The following RSPO4 variants were observed in gnomAD, a reference collection of about 807,000 sequenced individuals.
RSPO4 encodes R-spondin-4.
In RSPO4, 23 loss-of-function variants were observed where a neutral mutation model predicts 24.8. The ratio of observed to expected loss-of-function variants is 0.93; its 90% confidence interval spans 0.67 to 1.31. The LOEUF (loss-of-function observed/expected upper bound fraction) is 1.31, where lower values mean the gene tolerates loss of function less well. Ranked by LOEUF, RSPO4 falls within the 40% of genes most tolerant of loss-of-function variation. RSPO4 has a pLI of 0.00. For missense variants in RSPO4, 333 were observed against 316.5 expected, an observed-to-expected ratio of 1.05 and a Z score of -0.39; for synonymous variants, 141 against 127.4, an observed-to-expected ratio of 1.11 and a Z score of -0.72.
Position 964,015 on chromosome 20 carries a change from C to G in RSPO4, c.515G>C (p.Arg172Pro), listed in dbSNP as rs561493674. 16 of 1,613,706 alleles carry G rather than the reference C, an allele frequency of 9.9e-6. No homozygotes were observed. The highest frequency in any genetic ancestry group is 1.4e-5 in the Non-Finnish European group (16 of 1,180,040). ...GLESRVREAG[R>P]AGHEEAATCQ... ...GGTGGCTGCCTCCTCATGCCCAGCC[C>G]GGCCAGCCTCTCGTACCCGGCTCTC... Residue 172 changes from arginine to proline, a missense_variant, in exon 4 of 5, where the codon CGG becomes CCG. Transcript: ENST00000217260.
chr20:995,222 T>C (rs1985236945), intron 1 of RSPO4, among the ~76,000 whole-genome samples: 1 of 152,210 alleles, frequency 6.6e-6, no homozygotes, highest in African/African-American at 2.4e-5. Flanking sequence ...CTGCAAACTA[T>C]AAAGTGCTAC....
chr20:1,000,149 G>A (rs1568936881), intron 1 of RSPO4, among the ~76,000 whole-genome samples: 1 of 152,096 alleles, frequency 6.6e-6, no homozygotes, highest in Non-Finnish European at 1.5e-5. Context: ...TATTACAGGC[G>A]TGAGCCACCA....
At chr20:965,657 C>T (rs115039669) in intron 3 of RSPO4, among the ~76,000 whole-genome samples, 1,659 of 152,262 alleles carry the variant, frequency 0.011, 29 homozygotes, top group African/African-American at 0.037. Flanking sequence ...AAGAGGGCGG[C>T]ACAGAGGACA....
intron 1 of RSPO4, among the ~76,000 whole-genome samples, chr20:974,811 A>G (rs752776488): frequency 6.6e-6 from 1 of 152,212 alleles, no homozygotes; most frequent in Non-Finnish European, 1.5e-5. Context: ...AAGACCAAAA[A>G]GAGTCATCTG....
Position 958,635 on chromosome 20 carries a change from T to A in RSPO4, c.*1722A>T, listed in dbSNP as rs1600084763. The A allele has an allele frequency of 1.2e-5, 1 of 86,026 alleles. No individual in the cohort carries two copies. Among genetic ancestry groups the A allele is most frequent in the African/African-American group, 5.2e-5 (1 of 19,196 alleles). 5.3% of individuals were successfully genotyped at this position (86,026 alleles called of 1,614,324 possible). On this transcript the variant is annotated 3_prime_UTR_variant, in exon 5 of 5. Transcript: ENST00000217260. Reference sequence around the variant, plus strand: ...GAGAGCAGGGAAGTCAGAGAGAGGGTGGGCCTGCTGGGAGGGGGGGGTTCA... The same window carrying A: ...GAGAGCAGGGAAGTCAGAGAGAGGGAGGGCCTGCTGGGAGGGGGGGGTTCA...
chr20:963,128 C>A (rs1984059111), intron 4 of RSPO4, among the ~76,000 whole-genome samples: 1 of 152,192 alleles, frequency 6.6e-6, no homozygotes, highest in Non-Finnish European at 1.5e-5. Flanking sequence ...TCTTGAATGG[C>A]ACAGTGAAGG....
At position 970,305 on chromosome 20, in the gene RSPO4, C is replaced by T. The variant is rs146209340; in HGVS notation, c.80-2167G>A. ...GTTCCTTCCTCCCTGCTCCAGCTCT[C>T]GGATGAGTACTGCTACTTCCCCAGT... On this transcript the variant is annotated intron_variant, in intron 1 of 4. Transcript: ENST00000217260. This position sits in a 1 kb window ranked among gnomAD's most constrained non-coding sequence, Gnocchi z 4.1. Among the ~76,000 whole-genome samples, 17 of 152,210 alleles carry T rather than the reference C, an allele frequency of 1.1e-4. No individual in the cohort carries two copies. In the East Asian group the frequency reaches 1.5e-3, roughly 14 times the overall value.
intron 3 of RSPO4, 41 bp from the exon 4 acceptor site, chr20:964,161 G>A (rs1216104817): frequency 3.2e-6 from 5 of 1,538,500 alleles, no homozygotes; most frequent in African/African-American, 1.4e-5. Context: ...GACAGACAGG[G>A]TCAGCCGGCA....
In RSPO4 at chr20:967,942, C is replaced by G. The variant is rs774766042; in HGVS notation, c.268+8G>C. 5.0e-6 allele frequency: 8 copies of G among 1,613,850 alleles called. No homozygotes were observed. The highest frequency in any genetic ancestry group is 1.6e-4 in the Middle Eastern group (1 of 6,084). On this transcript the variant is annotated splice_region_variant and intron_variant, in intron 2 of 4. Coordinates refer to ENST00000217260, the MANE Select transcript of RSPO4 (RefSeq NM_001029871.4). Reference sequence around the variant, plus strand: ...GCACTAGCATAGAACAAGGGAGAAGCCACGTACTTTTGCACCTGTTGACCT... The same window carrying G: ...GCACTAGCATAGAACAAGGGAGAAGGCACGTACTTTTGCACCTGTTGACCT...
At position 974,173 on chromosome 20, in the gene RSPO4, G is replaced by A. The variant is rs528627832; in HGVS notation, c.80-6035C>T. Among the ~76,000 whole-genome samples the A allele has an allele frequency of 4.9e-4, 74 of 152,300 alleles. 1 individual carries two copies. The highest frequency in any genetic ancestry group is 2.7e-3 in the Admixed American group (42 of 15,302). On this transcript the variant is annotated intron_variant, in intron 1 of 4. Coordinates refer to ENST00000217260, the MANE Select transcript of RSPO4 (RefSeq NM_001029871.4). ...CAATCTCCAGAGAGGCTTGTAAAGC[G>A]TCTGCTGTGGGCCAGGAATGTGCAC... is the stretch of plus-strand genomic sequence containing the variant.
intron 4 of RSPO4, 63 bp downstream of exon 4, chr20:963,872 G>A (rs1984085275): frequency 6.5e-7 from 1 of 1,527,478 alleles, no homozygotes; most frequent in Non-Finnish European, 9.1e-7. Context: ...GCAGTGATCT[G>A]AGTCCGCCCT....
At chr20:971,033 T>C (rs189672565) in intron 1 of RSPO4, among the ~76,000 whole-genome samples, 71 of 152,272 alleles carry the variant, frequency 4.7e-4, no homozygotes, top group African/African-American at 1.5e-3. Flanking sequence ...TTTGTACAGA[T>C]GGTCTCTCTC....
intron 1 of RSPO4, among the ~76,000 whole-genome samples, chr20:982,973 C>T (rs927466218): frequency 1.6e-4 from 24 of 152,200 alleles, no homozygotes; most frequent in Non-Finnish European, 1.3e-4. Flanking sequence ...TTGGGGGCAA[C>T]GCCCACCGCT....
intron 2 of RSPO4, 40 bp from the exon 3 acceptor site, chr20:967,354 C>T (rs1225303099): frequency 7.4e-6 from 12 of 1,611,170 alleles, no homozygotes; most frequent in Non-Finnish European, 1.0e-5. Flanking sequence ...AGGGAGACTG[C>T]CAAGGATGGG....
intron 4 of RSPO4, among the ~76,000 whole-genome samples, chr20:962,474 G>A (rs571679151): frequency 5.9e-5 from 9 of 152,304 alleles, no homozygotes; most frequent in African/African-American, 1.9e-4. Flanking sequence ...TTCCCCAACA[G>A]CCATTCACCC....
chr20:996,348 G>C (rs535113314), intron 1 of RSPO4, among the ~76,000 whole-genome samples: 1 of 152,228 alleles, frequency 6.6e-6, no homozygotes, highest in East Asian at 1.9e-4. Context: ...TTAAACTAAT[G>C]GGAGCTTCAG....
chr20:971,366 C>A (rs1464660382), intron 1 of RSPO4, among the ~76,000 whole-genome samples: 1 of 152,252 alleles, frequency 6.6e-6, no homozygotes, highest in Admixed American at 6.5e-5. Flanking sequence ...CTCAGAAACA[C>A]TGACCTAGAG....
intron 1 of RSPO4, among the ~76,000 whole-genome samples, chr20:983,365 C>T (rs1984803566): frequency 6.6e-6 from 1 of 152,180 alleles, no homozygotes; most frequent in African/African-American, 2.4e-5. Flanking sequence ...AGGGAGCCTT[C>T]CTTTTTGCAA....
chr20:965,950 T>C (rs1428208696), intron 3 of RSPO4, among the ~76,000 whole-genome samples: 1 of 152,100 alleles, frequency 6.6e-6, no homozygotes, highest in African/African-American at 2.4e-5. Context: ...GGATTGAATA[T>C]AGGGTGAGGG....
Sources: gnomAD v4.1 joint callset for allele counts (sites outside exome capture counted in the v4.1 genomes callset) on GRCh38, gnomAD v4.1.1 for gene constraint, Gnocchi (gnomAD v3.1) non-coding constraint, MANE v1.5 for transcripts, NCBI Gene and HGNC (gene_info 2026-07-23, HGNC 2026-07-21) for gene names.